NOS1AP: variants seen among roughly 807,000 people sequenced by gnomAD.
NOS1AP encodes the protein nitric oxide synthase 1 adaptor protein.
In NOS1AP, 21 loss-of-function variants were observed where a neutral mutation model predicts 56.2. That is an observed-to-expected ratio of 0.37 (90% CI 0.26 to 0.54). The LOEUF (loss-of-function observed/expected upper bound fraction) is 0.54, where lower values mean the gene tolerates loss of function less well. Among genes scored for constraint, NOS1AP ranks in the 20% least tolerant of loss-of-function variants. The pLI, the probability that NOS1AP is intolerant of heterozygous loss-of-function variation, is 0.84. For synonymous variants in NOS1AP, 270 were observed against 274.6 expected (o/e 0.98, Z 0.17); for missense variants, 522 against 657.8 (o/e 0.79, Z 2.26).
At chr1:162,299,094 A>G (rs746765653) in intron 3 of NOS1AP, among the ~76,000 whole-genome samples, 6 of 152,248 alleles carry the variant, frequency 3.9e-5, no homozygotes, top group African/African-American at 7.2e-5. Context: ...ATGGAGAACA[A>G]TGATATTGGA....
At chr1:162,267,361 G>A (rs547385004) in intron 2 of NOS1AP, among the ~76,000 whole-genome samples, 133 of 152,284 alleles carry the variant, frequency 8.7e-4, no homozygotes, top group African/African-American at 3.1e-3. Context: ...TGGTGGATCC[G>A]TGATGTGCAT....
chr1:162,148,261 G>T (rs1265006226), intron 1 of NOS1AP, among the ~76,000 whole-genome samples: 1 of 152,164 alleles, frequency 6.6e-6, no homozygotes, highest in Non-Finnish European at 1.5e-5. Context: ...CATTTTTGGA[G>T]GATTCCACTC....
intron 1 of NOS1AP, among the ~76,000 whole-genome samples, chr1:162,143,818 A>G (rs1395662888): frequency 4.6e-5 from 7 of 152,198 alleles, no homozygotes; most frequent in African/African-American, 1.4e-4. Flanking sequence ...GATACTAGGT[A>G]CATTTCATGA....
intron 2 of NOS1AP, among the ~76,000 whole-genome samples, chr1:162,174,986 T>C (rs1383175089): frequency 1.3e-5 from 2 of 152,216 alleles, no homozygotes; most frequent in African/African-American, 4.8e-5. Flanking sequence ...TCATGGTTAA[T>C]ATGTTTTTGG....
chr1:162,361,008 T>C, intron 8 of NOS1AP: 1 of 442,550 alleles, frequency 2.3e-6, no homozygotes. Flanking sequence ...GGGAAAGCAG[T>C]GTAGAGCTGG....
At chr1:162,196,847 T>C (rs1182457987) in intron 2 of NOS1AP, among the ~76,000 whole-genome samples, 1 of 152,250 alleles carries the variant, frequency 6.6e-6, no homozygotes, top group African/African-American at 2.4e-5. Context: ...AAACATTTAT[T>C]GTGCGAACGA....
intron 2 of NOS1AP, among the ~76,000 whole-genome samples, chr1:162,205,624 G>A (rs1378269402): frequency 6.6e-6 from 1 of 152,124 alleles, no homozygotes; most frequent in Admixed American, 6.5e-5. Context: ...GTTTTTCCGG[G>A]GAGTATTCCG....
At chr1:162,142,566 T>C (rs1419483501) in intron 1 of NOS1AP, among the ~76,000 whole-genome samples, 1 of 152,238 alleles carries the variant, frequency 6.6e-6, no homozygotes, top group Non-Finnish European at 1.5e-5. Flanking sequence ...TCATTGTGTA[T>C]GATCCTTTTT....
At chr1:162,337,792 T>C (rs574745544) in intron 5 of NOS1AP, among the ~76,000 whole-genome samples, 1 of 152,344 alleles carries the variant, frequency 6.6e-6, no homozygotes, top group East Asian at 1.9e-4. Flanking sequence ...ACTTTCCTTA[T>C]ACTGAGCAAT....
At chr1:162,365,266 C>A in intron 8 of NOS1AP, 138 bp from the exon 9 acceptor site, 1 of 1,516,944 alleles carries the variant, frequency 6.6e-7, no homozygotes, top group East Asian at 2.4e-5. Flanking sequence ...GATGCCCATG[C>A]TGCCCGTGAA....
chr1:162,092,076 A>G (rs1290467494), intron 1 of NOS1AP, among the ~76,000 whole-genome samples: 1 of 152,178 alleles, frequency 6.6e-6, no homozygotes, highest in Non-Finnish European at 1.5e-5. Flanking sequence ...AAGGCTGTGG[A>G]TCCAACAAAG....
At chr1:162,166,863 C>T (rs1357164085) in intron 2 of NOS1AP, among the ~76,000 whole-genome samples, 1 of 152,190 alleles carries the variant, frequency 6.6e-6, no homozygotes, top group Non-Finnish European at 1.5e-5. Context: ...GCCCAGAAGG[C>T]AGCTAGAATT....
chr1:162,107,421 A>G (rs183431662), intron 1 of NOS1AP, among the ~76,000 whole-genome samples: 1 of 152,306 alleles, frequency 6.6e-6, no homozygotes, highest in East Asian at 1.9e-4. Context: ...CTGTAATCAA[A>G]CTCCTAGGCT....
At chr1:162,200,733 A>G (rs1381132978) in intron 2 of NOS1AP, among the ~76,000 whole-genome samples, 2 of 152,138 alleles carry the variant, frequency 1.3e-5, no homozygotes, top group Non-Finnish European at 2.9e-5. Flanking sequence ...GCTGTGGTGA[A>G]TTTCATCTTT....
chr1:162,361,421 G>A (rs1016653710), intron 8 of NOS1AP, among the ~76,000 whole-genome samples: 3 of 152,258 alleles, frequency 2.0e-5, no homozygotes, highest in Admixed American at 6.5e-5. Context: ...CTTCAAGTTC[G>A]AGCCTACATA....
chr1:162,338,898 A>G (rs1657019836), intron 5 of NOS1AP, among the ~76,000 whole-genome samples: 2 of 152,172 alleles, frequency 1.3e-5, no homozygotes, highest in Admixed American at 6.5e-5. Context: ...CAGTTCATCA[A>G]ATGTTGACTC....
chr1:162,142,558 A>G (rs567857787), intron 1 of NOS1AP, among the ~76,000 whole-genome samples: 2 of 152,196 alleles, frequency 1.3e-5, no homozygotes, highest in East Asian at 3.9e-4. Flanking sequence ...CTACTTGATC[A>G]TTGTGTATGA....
chr1:162,358,837 A>G (rs1657791599), intron 8 of NOS1AP, among the ~76,000 whole-genome samples: 1 of 152,178 alleles, frequency 6.6e-6, no homozygotes, highest in South Asian at 2.1e-4. Flanking sequence ...TTTATCAGGG[A>G]GGCATTTGAA....
chr1:162,308,050 A>G (rs1296086456), intron 4 of NOS1AP, among the ~76,000 whole-genome samples: 2 of 152,248 alleles, frequency 1.3e-5, no homozygotes, highest in African/African-American at 4.8e-5. Flanking sequence ...TTTAAACAGA[A>G]GAAATTTATT....
Sources: gnomAD v4.1 joint callset for allele counts (sites outside exome capture counted in the v4.1 genomes callset) on GRCh38, gnomAD v4.1.1 for gene constraint, MANE v1.5 for transcripts, NCBI Gene and HGNC (gene_info 2026-07-23, HGNC 2026-07-21) for gene names.